PER2: variants seen among roughly 807,000 people sequenced by gnomAD.
PER2 encodes the protein period circadian protein homolog 2.
Under a neutral mutation model 121.0 loss-of-function variants are expected in PER2, and 66 were observed. The observed-to-expected ratio is 0.55, with a 90% CI of 0.45 to 0.67. PER2 has a LOEUF of 0.67. PER2 is among the 30% of genes least tolerant of loss of function. The pLI is 0.00. For synonymous variants in PER2, 684 were observed against 659.9 expected (o/e 1.04, Z -0.56); for missense variants, 1,521 against 1,635.0 (o/e 0.93, Z 1.20).
Position 238,259,256 on chromosome 2 carries a change from G to A in PER2, c.1628-612C>T, listed in dbSNP as rs57056606. Among the ~76,000 whole-genome samples, 186 of 152,354 alleles carry A rather than the reference G, an allele frequency of 1.2e-3. 4 individuals are homozygous for A. The East Asian group carries it at 0.017, about 14-fold the overall frequency. On this transcript the variant is annotated intron_variant, in intron 14 of 22. Transcript: ENST00000254657. ...GGTGTCTGGCCAGAGTGTTCCCCAC[G>A]GGAGGCTTCGGCCTGAGCACAGAGA... is the stretch of plus-strand genomic sequence containing the variant.
chr2:238,248,732 T>A (rs1184787140), intron 22 of PER2, among the ~76,000 whole-genome samples: 3 of 151,132 alleles, frequency 2.0e-5, no homozygotes, highest in Non-Finnish European at 4.4e-5. Flanking sequence ...CTTGGCTCCC[T>A]GCAAGCTCTG....
intron 5 of PER2, among the ~76,000 whole-genome samples, chr2:238,272,079 GA>G (rs1396134910): frequency 6.6e-6 from 1 of 152,198 alleles, no homozygotes; most frequent in Non-Finnish European, 1.5e-5. Context: ...TTTAACTAAA[GA>G]AAACCTGTCT....
intron 9 of PER2, among the ~76,000 whole-genome samples, chr2:238,264,345 C>G (rs1230222860): frequency 1.3e-5 from 2 of 152,344 alleles, no homozygotes; most frequent in South Asian, 2.1e-4. Context: ...CTGGCTCTGC[C>G]CCAGGCAGCC....
rs1391203102 is a variant in PER2, at chr2:238,253,786, CA to C, written c.2321-85del. On this transcript the variant is annotated intron_variant, in intron 18 of 22. Coordinates refer to ENST00000254657, the MANE Select transcript of PER2 (RefSeq NM_022817.3). This position sits in a 1 kb window ranked among gnomAD's most constrained non-coding sequence, Gnocchi z 5.6. Reference sequence around the variant, plus strand: ...TCTTCGTTCAACAGTCCTGGGTTTCCAAATGCTGGCCCAGGGCCTGCCTGGT... The same window carrying C: ...TCTTCGTTCAACAGTCCTGGGTTTCCAATGCTGGCCCAGGGCCTGCCTGGT... 1.3e-5 allele frequency: 14 copies of C among 1,102,952 alleles called. No individual in the cohort carries two copies. The East Asian group carries it at 3.3e-4, about 26-fold the overall frequency. 68.3% of individuals were successfully genotyped at this position (1,102,952 alleles called of 1,614,324 possible). A position where few individuals can be genotyped will look rare whatever the true frequency, so the allele number is the denominator to read the frequency against.
At chr2:238,273,761 G>C (rs1696367490) in intron 4 of PER2, among the ~76,000 whole-genome samples, 2 of 151,992 alleles carry the variant, frequency 1.3e-5, no homozygotes, top group Non-Finnish European at 2.9e-5. Context: ...CACCTCCCAG[G>C]GGTTCAAGCA....
intron 21 of PER2, 29 bp from the exon 22 acceptor site, chr2:238,249,241 C>G (rs199634634): frequency 1.9e-6 from 3 of 1,602,138 alleles, no homozygotes; most frequent in Non-Finnish European, 2.6e-6. Flanking sequence ...AATCGGTAAG[C>G]TTTCAAATGT....
upstream of PER2, among the ~76,000 whole-genome samples, chr2:238,290,674 C>G (rs1470519906): frequency 3.3e-5 from 5 of 152,212 alleles, no homozygotes; most frequent in African/African-American, 1.2e-4. Flanking sequence ...TTCTTCTTTC[C>G]TATTATTGGA....
chr2:238,250,627 C>A lies in PER2; in HGVS notation c.3391G>T (p.Val1131Phe). The change falls in exon 21 of 23, where the codon GTC becomes TTC. Residue 1131 changes from valine to phenylalanine, a missense_variant. Transcript: ENST00000254657. ...AGCAGCCAGATGGGATCCTGCAGGACGCACTTAATGAAATGCTCACTTTCT... is the reference window on the plus strand; with the variant it reads ...AGCAGCCAGATGGGATCCTGCAGGAAGCACTTAATGAAATGCTCACTTTCT... ...MEESEHFIKC[V>F]LQDPIWLLMA... 6.2e-7 allele frequency: 1 copy of A among 1,613,788 alleles called. No homozygotes were observed. The highest frequency in any genetic ancestry group is 1.1e-5 in the South Asian group (1 of 91,078).
Position 238,267,099 on chromosome 2 carries a change from G to A in PER2, c.967+957C>T, listed in dbSNP as rs186966432. Among the ~76,000 whole-genome samples the A allele has an allele frequency of 1.2e-4, 18 of 150,142 alleles. No homozygotes were observed. The East Asian group carries it at 3.5e-3, about 29-fold the overall frequency. ...TGTCATTCACCACAGAGAAGGTGGT[G>A]AACACAGCACAGCAGACTCAGCTGG... On this transcript the variant is annotated intron_variant, in intron 8 of 22. Coordinates refer to ENST00000254657, the MANE Select transcript of PER2 (RefSeq NM_022817.3).
In PER2 at chr2:238,261,782, G is replaced by A; in HGVS notation, c.1363C>T (p.Leu455=). 2 of 1,578,080 alleles carry A rather than the reference G, an allele frequency of 1.3e-6. No homozygotes were observed. The highest frequency in any genetic ancestry group is 2.3e-5 in the South Asian group (2 of 86,248). The change falls in exon 12 of 23, where the codon CTG becomes TTG. Residue 455 remains leucine (L), a synonymous_variant. Transcript: ENST00000254657. ...AAHPCTEEKA[L]HPSIQELTEQ... is the part of the protein sequence containing the mutation. The stretch of plus-strand genomic sequence containing the variant: ...GTGAGCTCCTGAATGCTGGGGTGCA[G>A]GGCCTTCTCCTCTGTGCAGGGGTGG...
intron 22 of PER2, among the ~76,000 whole-genome samples, chr2:238,248,095 G>A (rs972330644): frequency 7.9e-5 from 12 of 152,204 alleles, no homozygotes; most frequent in African/African-American, 2.7e-4. Flanking sequence ...GAAAAGAGGT[G>A]CAGACACTGA....
upstream of PER2, among the ~76,000 whole-genome samples, chr2:238,290,369 CTT>C (rs1490988645): frequency 1.3e-5 from 2 of 152,062 alleles, no homozygotes; most frequent in Non-Finnish European, 2.9e-5. Flanking sequence ...CCCAAAGGCT[CTT>C]TTGTTTCTTC....
chr2:238,292,450 C>T (rs1007243568), upstream of PER2, among the ~76,000 whole-genome samples: 1 of 152,126 alleles, frequency 6.6e-6, no homozygotes, highest in Non-Finnish European at 1.5e-5. Flanking sequence ...CCCAATGGCT[C>T]CTTTGCAAAG....
chr2:238,262,110 C>T, intron 11 of PER2, 81 bp downstream of exon 11: 1 of 1,333,164 alleles, frequency 7.5e-7, no homozygotes, highest in South Asian at 1.2e-5. Flanking sequence ...CCTCCCTATG[C>T]CATCTGTTGC....
upstream of PER2, among the ~76,000 whole-genome samples, chr2:238,294,885 T>TGCTCCCTGCGTTCCATTAATATAACTCC (rs1697017817): frequency 1.3e-5 from 2 of 152,238 alleles, no homozygotes; most frequent in Non-Finnish European, 2.9e-5. Flanking sequence ...CGAATGCAGG[T>TGCTCCCTGCGTTCCATTAATATAACTCC]GCTCCCTGCG....
chr2:238,252,796 G>T lies in PER2; in HGVS notation c.3111+116C>A, dbSNP rs116594790. On this transcript the variant is annotated intron_variant, in intron 19 of 22. Coordinates refer to ENST00000254657, the MANE Select transcript of PER2 (RefSeq NM_022817.3). The surrounding 1 kb of genome is among the most constrained non-coding windows in gnomAD (Gnocchi z 4.2). ...ACACATTCATGGCAAAACCTACAGG[G>T]TTTGGTGGAAACCTCAATCGTGTAA... is the stretch of plus-strand genomic sequence containing the variant. 4.9e-4 allele frequency: 443 copies of T among 908,976 alleles called. 3 individuals carry two copies. In the African/African-American group the frequency reaches 5.7e-3, roughly 12 times the overall value. The allele number at this position is 908,976 out of a possible 1,614,324, so 56.3% of individuals were successfully genotyped here.
At chr2:238,278,694 G>C (rs1335595965) in intron 1 of PER2, among the ~76,000 whole-genome samples, 4 of 152,204 alleles carry the variant, frequency 2.6e-5, no homozygotes, top group Non-Finnish European at 4.4e-5. Flanking sequence ...ACAGGAGGAG[G>C]AGCCAAGGCT....
Position 238,252,102 on chromosome 2 carries a change from G to T in PER2, c.3112-341C>A, listed in dbSNP as rs1239452128. On this transcript the variant is annotated intron_variant, in intron 19 of 22. Coordinates refer to ENST00000254657, the MANE Select transcript of PER2 (RefSeq NM_022817.3). This position sits in a 1 kb window ranked among gnomAD's most constrained non-coding sequence, Gnocchi z 4.2. The stretch of plus-strand genomic sequence containing the variant: ...TGCAGCAGACATGGATGGGGAAAAC[G>T]CCTCTCACAGCACCCGGTGTGGGGG... 1.3e-5 allele frequency among the ~76,000 whole-genome samples: 2 copies of T among 152,148 alleles called. No homozygotes were observed. Among genetic ancestry groups the T allele is most frequent in the South Asian group, 4.1e-4 (2 of 4,830 alleles).
the PER2 span, chr2:238,295,902 C>A: frequency 4.5e-6 from 1 of 220,402 alleles, no homozygotes; most frequent in Non-Finnish European, 9.2e-6. Flanking sequence ...CACCCACACC[C>A]GGGGAACTCT....
Sources: gnomAD v4.1 joint callset for allele counts (sites outside exome capture counted in the v4.1 genomes callset) on GRCh38, gnomAD v4.1.1 for gene constraint, Gnocchi (gnomAD v3.1) non-coding constraint, MANE v1.5 for transcripts, NCBI Gene and HGNC (gene_info 2026-07-23, HGNC 2026-07-21) for gene names.